GALE: variants seen among roughly 807,000 people sequenced by gnomAD.
GALE encodes the protein UDP-glucose 4-epimerase.
GALE carries 32 observed loss-of-function variants against 44.1 expected under a neutral mutation model. The observed-to-expected ratio is 0.73, with a 90% CI of 0.55 to 0.97. The LOEUF (loss-of-function observed/expected upper bound fraction) is 0.97. Ranked by LOEUF, GALE falls within the 50% of genes least tolerant of loss-of-function variation. The pLI, the probability that GALE is intolerant of heterozygous loss-of-function variation, is 0.00. For missense variants in GALE, 423 were observed against 455.6 expected (o/e 0.93, Z 0.65); for synonymous variants, 182 against 183.5 (o/e 0.99, Z 0.06).
chr1:23,798,084 C>G lies in GALE; in HGVS notation c.351+33G>C, dbSNP rs575452323. 3 of 1,548,040 alleles carry G rather than the reference C, an allele frequency of 1.9e-6. No homozygotes were observed. In the Admixed American group the frequency reaches 5.0e-5, roughly 26 times the overall value. On this transcript the variant is annotated intron_variant, in intron 5 of 11. Coordinates refer to ENST00000617979, the MANE Select transcript of GALE (RefSeq NM_001008216.2). This position sits in a 1 kb window ranked among gnomAD's most constrained non-coding sequence, Gnocchi z 4.5. ...AGGCTGGGGTCCAGCTGGACACCCT[C>G]CTAGTGTCTGTGCCCTGTCCCATGC...
At chr1:23,797,367 C>T (rs60276144) in intron 6 of GALE, among the ~76,000 whole-genome samples, 1 of 152,150 alleles carries the variant, frequency 6.6e-6, no homozygotes, top group South Asian at 2.1e-4. Context: ...CACAGGCACA[C>T]ACCACCATGG....
Position 23,797,860 on chromosome 1 carries a change from G to A in GALE, c.363C>T (p.Ala121=). The part of the protein sequence containing the change: ...GTIQLLEIMK[A]HGVKNLVFSS... ...TGAACACCAGGTTCTTCACCCCGTGGGCCTTCATGATCTGGCCGTGGAGAG... is the reference window on the plus strand; with the variant it reads ...TGAACACCAGGTTCTTCACCCCGTGAGCCTTCATGATCTGGCCGTGGAGAG... Residue 121 remains alanine (A), a synonymous_variant, in exon 6 of 12, where the codon GCC becomes GCT. Transcript: ENST00000617979. 1 of 1,614,158 alleles carries A rather than the reference G, an allele frequency of 6.2e-7. No individual in the cohort carries two copies.
chr1:23,796,980 A>G lies in GALE; in HGVS notation c.643-38T>C, dbSNP rs758054406. ...ATCAGGTCAGTTCGTCCCAGATCCC[A>G]GGCACCAGCTTTAACCCCAGGGCCA... On this transcript the variant is annotated intron_variant, in intron 7 of 11. Coordinates refer to ENST00000617979, the MANE Select transcript of GALE (RefSeq NM_001008216.2). This position sits in a 1 kb window ranked among gnomAD's most constrained non-coding sequence, Gnocchi z 5.2. The G allele has an allele frequency of 3.5e-5, 57 of 1,609,414 alleles. No homozygotes were observed. Among genetic ancestry groups the G allele is most frequent in the Middle Eastern group, 1.6e-4 (1 of 6,078 alleles).
chr1:23,798,549 C>T lies in GALE; in HGVS notation c.237+66G>A. ...TTGAACACCTGGGCTCAAGTGATCT[C>T]CTCACCTCGGCCTTCCAAAGTGCTG... On this transcript the variant is annotated intron_variant, in intron 4 of 11. Coordinates refer to ENST00000617979, the MANE Select transcript of GALE (RefSeq NM_001008216.2). This position sits in a 1 kb window ranked among gnomAD's most constrained non-coding sequence, Gnocchi z 4.5. The T allele has an allele frequency of 8.7e-7, 1 of 1,152,662 alleles. No individual in the cohort carries two copies. Among genetic ancestry groups the T allele is most frequent in the Non-Finnish European group, 1.3e-6 (1 of 765,610 alleles). 71.4% of individuals were successfully genotyped at this position (1,152,662 alleles called of 1,614,324 possible).
At chr1:23,800,083 G>A (rs915717550) in intron 1 of GALE, 11 of 152,238 alleles carry the variant, frequency 7.2e-5, no homozygotes, top group African/African-American at 2.7e-4. Context: ...ATCTCGGTGA[G>A]ACAGGTGTTA....
chr1:23,796,015 A>G lies in GALE; in HGVS notation c.989-8T>C. 8 of 1,613,788 alleles carry G rather than the reference A, an allele frequency of 5.0e-6. No homozygotes were observed. The highest frequency in any genetic ancestry group is 6.8e-6 in the Non-Finnish European group (8 of 1,179,868). ...AGCGCCAGAGATCCTCACCTGCAAC[A>G]CGGCGAGGTGTGTGCTCAGGGCCCA... is the stretch of plus-strand genomic sequence containing the variant. On this transcript the variant is annotated splice_region_variant and splice_polypyrimidine_tract_variant and intron_variant, in intron 11 of 11. Coordinates refer to ENST00000617979, the MANE Select transcript of GALE (RefSeq NM_001008216.2). This position sits in a 1 kb window ranked among gnomAD's most constrained non-coding sequence, Gnocchi z 5.2.
Position 23,795,713 on chromosome 1 carries a change from C to G in GALE, c.*236G>C. The G allele has an allele frequency of 1.7e-6, 1 of 596,990 alleles. No homozygotes were observed. Among genetic ancestry groups the G allele is most frequent in the South Asian group, 2.0e-5 (1 of 49,678 alleles). 37.0% of individuals were successfully genotyped at this position (596,990 alleles called of 1,614,324 possible). A position where few individuals can be genotyped will look rare whatever the true frequency, so the allele number is the denominator to read the frequency against. ...TGTGCCAGAGCCTTGCCCCCTCACT[C>G]ACTCTTGGGGGTCCTGATGAACTCT... On this transcript the variant is annotated 3_prime_UTR_variant, in exon 12 of 12. Coordinates refer to ENST00000617979, the MANE Select transcript of GALE (RefSeq NM_001008216.2).
chr1:23,798,851 C>T lies in GALE; in HGVS notation c.121+36G>A, dbSNP rs1170571615. 3.1e-6 allele frequency: 5 copies of T among 1,614,066 alleles called. No homozygotes were observed. Among genetic ancestry groups the T allele is most frequent in the Admixed American group, 1.7e-5 (1 of 60,028 alleles). ...GAACCCAGGGTTTTGCTTCTGCCAT[C>T]CCCTCAAGTAGCCCCAGCCCCACTG... On this transcript the variant is annotated intron_variant, in intron 3 of 11. Coordinates refer to ENST00000617979, the MANE Select transcript of GALE (RefSeq NM_001008216.2). The surrounding 1 kb of genome is among the most constrained non-coding windows in gnomAD (Gnocchi z 4.5).
Position 23,795,926 on chromosome 1 carries a change from T to C in GALE, c.*23A>G. On this transcript the variant is annotated 3_prime_UTR_variant, in exon 12 of 12. Coordinates refer to ENST00000617979, the MANE Select transcript of GALE (RefSeq NM_001008216.2). Reference sequence around the variant, plus strand: ...GAGAGCAGGCAGCTGCTGCTTTTCCTGGTCCTTGGTAGGGGAGGGTCCTCA... The same window carrying C: ...GAGAGCAGGCAGCTGCTGCTTTTCCCGGTCCTTGGTAGGGGAGGGTCCTCA... The C allele has an allele frequency of 6.2e-7, 1 of 1,611,110 alleles. No homozygotes were observed. The highest frequency in any genetic ancestry group is 8.5e-7 in the Non-Finnish European group (1 of 1,177,976).
rs1245283385 is a variant in GALE at position 23,796,406 on chromosome 1, C to T, written c.873+103G>A. 2.8e-6 allele frequency: 4 copies of T among 1,452,824 alleles called. No homozygotes were observed. The East Asian group carries it at 6.9e-5, about 25-fold the overall frequency. 90.0% of individuals were successfully genotyped at this position (1,452,824 alleles called of 1,614,324 possible). On this transcript the variant is annotated intron_variant, in intron 10 of 11. Coordinates refer to ENST00000617979, the MANE Select transcript of GALE (RefSeq NM_001008216.2). The surrounding 1 kb of genome is among the most constrained non-coding windows in gnomAD (Gnocchi z 5.2). ...GGCAGGCTGAGGAGACTGGGCAGTG[C>T]CAGGTACCCTCCAGAGAGGTGAGTG...
In GALE at chr1:23,798,647, C is replaced by T. The variant is rs398123345; in HGVS notation, c.205G>A (p.Asp69Asn). 1.2e-6 allele frequency: 2 copies of T among 1,613,904 alleles called. No homozygotes were observed. The highest frequency in any genetic ancestry group is 1.3e-5 in the African/African-American group (1 of 75,010). The change falls in exon 4 of 12, where the codon GAC becomes AAC. Residue 69 changes from aspartate to asparagine, a missense_variant. By Grantham distance (23) the Asp-to-Asn change is conservative. Transcript: ENST00000617979. The surrounding 1 kb of genome is among the most constrained non-coding windows in gnomAD (Gnocchi z 4.5). ...SVEFEEMDIL[D>N]QGALQRLFKK... is the part of the protein sequence containing the mutation. ...AAGAGACGCTGTAGGGCTCCCTGGT[C>T]CAAAATGTCCATCTCCTCAAACTCC...
In GALE at chr1:23,796,925, C is replaced by G. The variant is rs3177810; in HGVS notation, c.660G>C (p.Arg220=). Residue 220 remains arginine, a synonymous_variant, in exon 8 of 12, where the codon CGG becomes CGC. Coordinates refer to ENST00000617979, the MANE Select transcript of GALE (RefSeq NM_001008216.2). This position sits in a 1 kb window ranked among gnomAD's most constrained non-coding sequence, Gnocchi z 5.2. The part of the protein sequence containing the change: ...PYVSQVAIGR[R]EALNVFGNDY... Reference sequence around the variant, plus strand: ...CATTGCCAAAGACATTCAGGGCCTCCCGTCGCCCGATCGCCACCTGGAGGT... The same window carrying G: ...CATTGCCAAAGACATTCAGGGCCTCGCGTCGCCCGATCGCCACCTGGAGGT... The G allele has an allele frequency of 1.1e-5, 17 of 1,613,518 alleles. No homozygotes were observed. The highest frequency in any genetic ancestry group is 3.3e-4 in the Middle Eastern group (2 of 6,082).
At position 23,796,474 on chromosome 1, in the gene GALE, G is replaced by A. The variant is rs1457468697; in HGVS notation, c.873+35C>T. 1 of 1,595,540 alleles carries A rather than the reference G, an allele frequency of 6.3e-7. No individual in the cohort carries two copies. The highest frequency in any genetic ancestry group is 1.3e-5 in the African/African-American group (1 of 74,190). ...TCTGTTGCTGAGAGCTGGGTGGGGT[G>A]AGGTGGGTGAGGTGGGTGGGGCGGG... On this transcript the variant is annotated intron_variant, in intron 10 of 11. Transcript: ENST00000617979. This position sits in a 1 kb window ranked among gnomAD's most constrained non-coding sequence, Gnocchi z 5.2.
chr1:23,795,797 GC>G lies in GALE; in HGVS notation c.*151del. 1.4e-6 allele frequency: 1 copy of G among 728,196 alleles called. No individual in the cohort carries two copies. 45.1% of individuals were successfully genotyped at this position (728,196 alleles called of 1,614,324 possible). On this transcript the variant is annotated 3_prime_UTR_variant, in exon 12 of 12. Transcript: ENST00000617979. ...GGCCTCCTGGTCAGTGGAGCCCTTGGCCTCATGCCTGGTGGGCTAAGCGGGC... is the reference window on the plus strand; with the variant it reads ...GGCCTCCTGGTCAGTGGAGCCCTTGGCTCATGCCTGGTGGGCTAAGCGGGC...
chr1:23,797,264 G>C, intron 6 of GALE, 117 bp from the exon 7 acceptor site: 1 of 759,810 alleles, frequency 1.3e-6, no homozygotes, highest in Non-Finnish European at 2.3e-6. Context: ...CTATGGCCCA[G>C]GCTGGAGTGT....
Position 23,797,136 on chromosome 1 carries a change from T to C in GALE, c.540A>G (p.Ala180=). 6.2e-7 allele frequency: 1 copy of C among 1,608,344 alleles called. No individual in the cohort carries two copies. Among genetic ancestry groups the C allele is most frequent in the Non-Finnish European group, 8.5e-7 (1 of 1,177,576 alleles). ...DLCQADKTWN[A]VLLRYFNPTG... is the part of the protein sequence containing the mutation. ...TGGGGTTGAAATAGCGCAGCAGCAC[T>C]GCGTTCCAAGTCTGTGGGATGTGGG... Residue 180 remains alanine (A), a synonymous_variant, in exon 7 of 12, where the codon GCA becomes GCG. Coordinates refer to ENST00000617979, the MANE Select transcript of GALE (RefSeq NM_001008216.2).
rs1266998503 is a variant in GALE, at chr1:23,797,736, A to C, written c.487T>G (p.Phe163Val). 4 of 1,614,082 alleles carry C rather than the reference A, an allele frequency of 2.5e-6. 1 individual carries two copies. Among genetic ancestry groups the C allele is most frequent in the Non-Finnish European group, 2.5e-6 (3 of 1,180,002 alleles). Reference sequence around the variant, plus strand: ...AGGTCCCGGATCATTTCCTCGATGAAGAACTTGGACTTGCCGTAAGGGTTG... The same window carrying C: ...AGGTCCCGGATCATTTCCTCGATGACGAACTTGGACTTGCCGTAAGGGTTG... ...CTNPYGKSKFFIEEMIRDLCQ... is the reference protein window; with the variant it reads ...CTNPYGKSKFVIEEMIRDLCQ... Residue 163 changes from phenylalanine to valine, a missense_variant, in exon 6 of 12, where the codon TTC becomes GTC. By Grantham distance (50) the Phe-to-Val change is conservative. Coordinates refer to ENST00000617979, the MANE Select transcript of GALE (RefSeq NM_001008216.2).
At position 23,797,847 on chromosome 1, in the gene GALE, T is replaced by C. The variant is rs771656737; in HGVS notation, c.376A>G (p.Asn126Asp). Residue 126 changes from asparagine to aspartate, a missense_variant, in exon 6 of 12, where the codon AAC becomes GAC. Transcript: ENST00000617979. ...GTGGCTGAGCTGCTGAACACCAGGT[T>C]CTTCACCCCGTGGGCCTTCATGATC... is the stretch of plus-strand genomic sequence containing the variant. ...LEIMKAHGVK[N>D]LVFSSSATVY... 1.6e-4 allele frequency: 260 copies of C among 1,614,042 alleles called. 1 individual carries two copies. The highest frequency in any genetic ancestry group is 1.8e-4 in the Non-Finnish European group (209 of 1,180,026).
At position 23,798,402 on chromosome 1, in the gene GALE, T is replaced by A. The variant is rs1639030524; in HGVS notation, c.238-172A>T. The A allele has an allele frequency of 1.4e-6, 1 of 705,330 alleles. No homozygotes were observed. Among genetic ancestry groups the A allele is most frequent in the South Asian group, 1.5e-5 (1 of 64,700 alleles). 43.7% of individuals were successfully genotyped at this position (705,330 alleles called of 1,614,324 possible). A position where few individuals can be genotyped will look rare whatever the true frequency, so the allele number is the denominator to read the frequency against. ...TCACCGCAACCTCCACCTCCCAGGC[T>A]CAAGCCATCCTCCCATGCCAGCCTC... On this transcript the variant is annotated intron_variant, in intron 4 of 11. Transcript: ENST00000617979. This position sits in a 1 kb window ranked among gnomAD's most constrained non-coding sequence, Gnocchi z 4.5.
Sources: allele counts gnomAD v4.1 joint callset (sites outside exome capture counted in the v4.1 genomes callset), GRCh38; gene constraint gnomAD v4.1.1; non-coding constraint Gnocchi (gnomAD v3.1); transcripts MANE v1.5; gene names NCBI Gene and HGNC (gene_info 2026-07-23, HGNC 2026-07-21).